MAP3K14: variants seen among roughly 807,000 people sequenced by gnomAD.
MAP3K14 encodes mitogen-activated protein kinase kinase kinase 14.
In MAP3K14, 16 loss-of-function variants were observed where a neutral mutation model predicts 99.2. The observed-to-expected ratio is 0.16, with a 90% CI of 0.11 to 0.24. The LOEUF (loss-of-function observed/expected upper bound fraction) is 0.24, where lower values mean the gene tolerates loss of function less well. Ranked by LOEUF, MAP3K14 falls within the 10% of genes least tolerant of loss-of-function variation. MAP3K14 has a pLI of 1.00. For synonymous variants in MAP3K14, 462 were observed against 492.4 expected, an observed-to-expected ratio of 0.94 and a Z score of 0.82; for missense variants, 784 against 1,208.7, an observed-to-expected ratio of 0.65 and a Z score of 5.21.
intron 6 of MAP3K14, among the ~76,000 whole-genome samples, chr17:45,279,560 G>A (rs1439678562): frequency 1.3e-5 from 2 of 152,066 alleles, no homozygotes; most frequent in Non-Finnish European, 2.9e-5. Flanking sequence ...GGCCTCCCGA[G>A]TAGCTGGTGG....
intron 8 of MAP3K14, 104 bp downstream of exon 8, chr17:45,274,019 G>T: frequency 1.5e-6 from 2 of 1,365,014 alleles, no homozygotes; most frequent in Non-Finnish European, 2.0e-6. Flanking sequence ...CTCAGGGCCT[G>T]CTACTGGGGA....
At chr17:45,309,139 G>C (rs568638894) in intron 1 of MAP3K14, among the ~76,000 whole-genome samples, 2 of 152,308 alleles carry the variant, frequency 1.3e-5, no homozygotes, top group South Asian at 4.2e-4. Flanking sequence ...AATTTCTCCT[G>C]ACTGTCCCTA....
intron 1 of MAP3K14, among the ~76,000 whole-genome samples, chr17:45,297,572 A>T (rs187505769): frequency 1.3e-5 from 2 of 152,370 alleles, no homozygotes; most frequent in East Asian, 3.9e-4. Context: ...GTAAGGTGGC[A>T]CTGCCTTCAC....
At chr17:45,305,154 G>A (rs1178936667) in intron 1 of MAP3K14, among the ~76,000 whole-genome samples, 1 of 152,068 alleles carries the variant, frequency 6.6e-6, no homozygotes, top group Non-Finnish European at 1.5e-5. Context: ...CTGGAGTGCA[G>A]TGACGCAATC....
At chr17:45,311,436 C>A (rs983985168) in intron 1 of MAP3K14, among the ~76,000 whole-genome samples, 12 of 152,168 alleles carry the variant, frequency 7.9e-5, no homozygotes, top group African/African-American at 2.7e-4. Flanking sequence ...TGACCATAAT[C>A]GGTCAAGTTC....
chr17:45,291,298 G>C (rs202075916), intron 1 of MAP3K14, among the ~76,000 whole-genome samples: 1 of 41,962 alleles, frequency 2.4e-5, no homozygotes, highest in Non-Finnish European at 5.1e-5. Context: ...GTAGATATCT[G>C]TGTGTGTGTG....
In MAP3K14 at chr17:45,270,576, A is replaced by T; in HGVS notation, c.1822-13T>A. The T allele has an allele frequency of 1.3e-6, 2 of 1,541,052 alleles. No individual in the cohort carries two copies. The highest frequency in any genetic ancestry group is 1.7e-6 in the Non-Finnish European group (2 of 1,146,414). ...GCTCGCTGGCAATCTGGGGGGCAAA[A>T]GACAACAGGTGAGGCCTGCCTTCCC... On this transcript the variant is annotated splice_polypyrimidine_tract_variant and intron_variant, in intron 10 of 15. Transcript: ENST00000344686.
At chr17:45,312,144 T>C (rs1381593862) in intron 1 of MAP3K14, among the ~76,000 whole-genome samples, 1 of 152,336 alleles carries the variant, frequency 6.6e-6, no homozygotes, top group East Asian at 1.9e-4. Flanking sequence ...CCTACACCCC[T>C]GCATGGGTGA....
At chr17:45,294,911 A>C (rs1458115726) in intron 1 of MAP3K14, among the ~76,000 whole-genome samples, 6 of 152,242 alleles carry the variant, frequency 3.9e-5, no homozygotes, top group African/African-American at 1.4e-4. Flanking sequence ...TACCATACTC[A>C]ACAGTGCAGA....
In MAP3K14 at chr17:45,264,468, G is replaced by A. The variant is rs1252545217; in HGVS notation, c.*168C>T. ...GGCAGGGCTCAGGTGTGAAATCCTG[G>A]GAGGCATTCTGCTTGCCCCCACCTT... On this transcript the variant is annotated 3_prime_UTR_variant, in exon 16 of 16. Transcript: ENST00000344686. 2 of 758,776 alleles carry A rather than the reference G, an allele frequency of 2.6e-6. No individual in the cohort carries two copies. The highest frequency in any genetic ancestry group is 4.1e-6 in the Non-Finnish European group (2 of 488,602). 47.0% of individuals were successfully genotyped at this position (758,776 alleles called of 1,614,324 possible).
chr17:45,276,177 G>T (rs555186908), intron 6 of MAP3K14, among the ~76,000 whole-genome samples: 1 of 152,176 alleles, frequency 6.6e-6, no homozygotes, highest in Admixed American at 6.6e-5. Context: ...GGAGGCTTCT[G>T]GGGAGTGGCC....
intron 6 of MAP3K14, among the ~76,000 whole-genome samples, chr17:45,282,398 A>G (rs894090240): frequency 2.0e-5 from 3 of 152,040 alleles, no homozygotes; most frequent in African/African-American, 7.2e-5. Context: ...TCTACAAAAA[A>G]TAAAAAATTA....
At chr17:45,313,647 C>A (rs1196325286) in intron 1 of MAP3K14, among the ~76,000 whole-genome samples, 1 of 152,188 alleles carries the variant, frequency 6.6e-6, no homozygotes, top group East Asian at 1.9e-4. Context: ...GTTTCTACAT[C>A]TGGAAAATGG....
chr17:45,266,467 C>A, intron 14 of MAP3K14, 70 bp downstream of exon 14: 1 of 1,523,164 alleles, frequency 6.6e-7, no homozygotes, highest in Non-Finnish European at 8.9e-7. Context: ...CAAAATCCCT[C>A]AATGGCTGTC....
At chr17:45,290,440 C>T (rs777716112) in intron 2 of MAP3K14, 50 bp downstream of exon 2, 2 of 1,605,096 alleles carry the variant, frequency 1.2e-6, no homozygotes, top group Non-Finnish European at 1.7e-6. Context: ...AGCTACCCAC[C>T]TGCAGGCCCA....
Position 45,264,583 on chromosome 17 carries a change from A to C in MAP3K14, c.*53T>G, listed in dbSNP as rs1291987630. On this transcript the variant is annotated 3_prime_UTR_variant, in exon 16 of 16. Coordinates refer to ENST00000344686, the MANE Select transcript of MAP3K14 (RefSeq NM_003954.5). ...CCTGTGTTTCAGGGCAGCATCGTGC[A>C]CCGAGCAGGAAGGCTGCTTCCGGCA... 2 of 1,511,894 alleles carry C rather than the reference A, an allele frequency of 1.3e-6. No homozygotes were observed. Among genetic ancestry groups the C allele is most frequent in the East Asian group, 2.5e-5 (1 of 40,694 alleles). The allele number at this position is 1,511,894 out of a possible 1,614,324, so 93.7% of individuals were successfully genotyped here.
chr17:45,275,700 T>C (rs1029975598), intron 6 of MAP3K14, among the ~76,000 whole-genome samples: 1 of 151,594 alleles, frequency 6.6e-6, no homozygotes, highest in Admixed American at 6.6e-5. Context: ...TTTTGACTTA[T>C]CTGACTGTCA....
intron 1 of MAP3K14, among the ~76,000 whole-genome samples, chr17:45,308,185 T>C (rs937261004): frequency 6.6e-6 from 1 of 152,196 alleles, no homozygotes; most frequent in Admixed American, 6.5e-5. Context: ...CGGGAGGAGT[T>C]TGGATTCAAG....
intron 1 of MAP3K14, among the ~76,000 whole-genome samples, chr17:45,305,420 CAG>C (rs2044423842): frequency 8.5e-6 from 1 of 117,280 alleles, no homozygotes; most frequent in East Asian, 3.0e-4. Flanking sequence ...TTTTGTGAGA[CAG>C]AGTCTTGCTG....
Sources: gnomAD v4.1 joint callset for allele counts (sites outside exome capture counted in the v4.1 genomes callset) on GRCh38, gnomAD v4.1.1 for gene constraint, MANE v1.5 for transcripts, NCBI Gene and HGNC (gene_info 2026-07-23, HGNC 2026-07-21) for gene names.